The following CEP85L variants were observed in gnomAD, a reference collection of about 807,000 sequenced individuals.
The protein encoded by CEP85L is centrosomal protein of 85 kDa-like.
A neutral mutation model predicts 100.3 loss-of-function variants in CEP85L; 60 were observed. That is an observed-to-expected ratio of 0.60 (90% CI 0.49 to 0.74). The LOEUF (loss-of-function observed/expected upper bound fraction) is 0.74, where lower values mean the gene tolerates loss of function less well. Ranked by LOEUF, CEP85L falls within the 30% of genes least tolerant of loss-of-function variation. The pLI is 0.00. For synonymous variants in CEP85L, 319 were observed against 322.7 expected (o/e 0.99, Z 0.12); for missense variants, 973 against 936.2 (o/e 1.04, Z -0.51).
intron 3 of CEP85L, among the ~76,000 whole-genome samples, chr6:118,555,400 C>T (rs2114950099): frequency 6.8e-6 from 1 of 146,046 alleles, no homozygotes; most frequent in African/African-American, 2.5e-5. Flanking sequence ...TGCACTCCAG[C>T]CTGGGCAACA....
intron 5 of CEP85L, among the ~76,000 whole-genome samples, chr6:118,505,026 T>C (rs1177915913): frequency 6.6e-6 from 1 of 152,096 alleles, no homozygotes; most frequent in African/African-American, 2.4e-5. Flanking sequence ...TGCCCTTCAG[T>C]AGGTGAAGGC....
chr6:118,517,114 G>C (rs746549072), intron 4 of CEP85L, among the ~76,000 whole-genome samples: 2 of 151,892 alleles, frequency 1.3e-5, no homozygotes, highest in African/African-American at 4.8e-5. Flanking sequence ...ATCTGTCTTC[G>C]TACAAGTACC....
rs930710878 is a variant in CEP85L, at chr6:118,646,541, C to T, written c.73+4656G>A. Among the ~76,000 whole-genome samples, 5 of 151,922 alleles carry T rather than the reference C, an allele frequency of 3.3e-5. No homozygotes were observed. The East Asian group carries it at 9.8e-4, about 30-fold the overall frequency. ...AACATTAGCCAGGTATGGTGGTTTA[C>T]GCCTCTAATCCCAGATACTCGGGAG... On this transcript the variant is annotated intron_variant, in intron 1 of 12. Transcript: ENST00000368491.
intron 8 of CEP85L, 35 bp downstream of exon 8, chr6:118,481,743 TA>T (rs1562183073): frequency 2.4e-6 from 3 of 1,234,738 alleles, no homozygotes; most frequent in Non-Finnish European, 3.3e-6. Flanking sequence ...AAAATACGAA[TA>T]AAATAATGTA....
intron 2 of CEP85L, among the ~76,000 whole-genome samples, chr6:118,568,243 A>C (rs1779666471): frequency 6.6e-6 from 1 of 152,234 alleles, no homozygotes; most frequent in Non-Finnish European, 1.5e-5. Flanking sequence ...TTAGTGGTGG[A>C]AGACTGACAG....
rs1301414025 is a variant in CEP85L, at chr6:118,461,061, C to T, written c.*4344G>A. 1 of 149,796 alleles carries T rather than the reference C, an allele frequency of 6.7e-6. No homozygotes were observed. The highest frequency in any genetic ancestry group is 1.5e-5 in the Non-Finnish European group (1 of 67,626). The allele number at this position is 149,796 out of a possible 1,614,324, so 9.3% of individuals were successfully genotyped here. A position where few individuals can be genotyped will look rare whatever the true frequency, so the allele number is the denominator to read the frequency against. On this transcript the variant is annotated 3_prime_UTR_variant, in exon 13 of 13. Transcript: ENST00000368491. ...AACAATAACTGTATTTCAATTAAGT[C>T]ATGAACACTGTATTTACACATGAGG...
chr6:118,689,215 T>A (rs1286409974), intron 1 of CEP85L, among the ~76,000 whole-genome samples: 1 of 152,210 alleles, frequency 6.6e-6, no homozygotes, highest in Non-Finnish European at 1.5e-5. Flanking sequence ...ATGAGTTACA[T>A]CATTAAAAAA....
chr6:118,651,091 C>A, intron 1 of CEP85L, 106 bp downstream of exon 1: 1 of 1,369,282 alleles, frequency 7.3e-7, no homozygotes, highest in Non-Finnish European at 9.4e-7. Flanking sequence ...GGGGAGGCGG[C>A]CGGGGTAAGA....
At chr6:118,644,952 G>T (rs1775087660) in intron 1 of CEP85L, among the ~76,000 whole-genome samples, 1 of 152,146 alleles carries the variant, frequency 6.6e-6, no homozygotes, top group African/African-American at 2.4e-5. Flanking sequence ...CAATACATGG[G>T]AACAGTATCT....
chr6:118,561,349 T>C (rs992406918), intron 3 of CEP85L, among the ~76,000 whole-genome samples: 13 of 152,154 alleles, frequency 8.5e-5, no homozygotes, highest in Non-Finnish European at 1.6e-4. Context: ...TTACAATATT[T>C]TTCTCAGTAA....
chr6:118,619,347 T>C (rs900683246), intron 2 of CEP85L, among the ~76,000 whole-genome samples: 3 of 152,136 alleles, frequency 2.0e-5, no homozygotes, highest in African/African-American at 7.2e-5. Flanking sequence ...ATAACACCAT[T>C]CTACAACTAG....
chr6:118,537,470 G>GC (rs1465161017), intron 3 of CEP85L: 11 of 969,066 alleles, frequency 1.1e-5, no homozygotes, highest in Non-Finnish European at 1.3e-5. Context: ...CCTAATGTAG[G>GC]CATGTAGACC....
At chr6:118,595,305 TG>T (rs1781408807) in intron 2 of CEP85L, among the ~76,000 whole-genome samples, 1 of 152,146 alleles carries the variant, frequency 6.6e-6, no homozygotes, top group South Asian at 2.1e-4. Flanking sequence ...CCTTCCAACC[TG>T]GAATTTGAAA....
intron 1 of CEP85L, among the ~76,000 whole-genome samples, chr6:118,675,044 T>C (rs569331860): frequency 1.3e-5 from 2 of 152,104 alleles, no homozygotes; most frequent in South Asian, 2.1e-4. Context: ...AGCCCAAAAA[T>C]AGAAATAACT....
At chr6:118,692,913 C>G (rs531163109) in intron 1 of CEP85L, among the ~76,000 whole-genome samples, 91 of 152,162 alleles carry the variant, frequency 6.0e-4, no homozygotes, top group African/African-American at 2.2e-3. Context: ...TAGAAGCATG[C>G]CCAGCACATA....
intron 10 of CEP85L, among the ~76,000 whole-genome samples, chr6:118,472,068 G>A (rs1304569655): frequency 6.6e-6 from 1 of 151,516 alleles, no homozygotes; most frequent in Non-Finnish European, 1.5e-5. Context: ...TAAACTCGAG[G>A]GGTGTTTTCA....
At chr6:118,618,916 T>A (rs1773253051) in intron 2 of CEP85L, among the ~76,000 whole-genome samples, 1 of 152,186 alleles carries the variant, frequency 6.6e-6, no homozygotes, top group South Asian at 2.1e-4. Flanking sequence ...TAGGACGCGT[T>A]GGCAAAGGGA....
chr6:118,594,998 C>G (rs1027339871), intron 2 of CEP85L, among the ~76,000 whole-genome samples: 6 of 151,976 alleles, frequency 3.9e-5, no homozygotes, highest in Non-Finnish European at 8.8e-5. Flanking sequence ...ACGAGCCAAG[C>G]CTAAGCAAAA....
In CEP85L at chr6:118,565,778, A is replaced by C; in HGVS notation, c.771T>G (p.Ser257Arg). 1 of 1,614,182 alleles carries C rather than the reference A, an allele frequency of 6.2e-7. No homozygotes were observed. Among genetic ancestry groups the C allele is most frequent in the Middle Eastern group, 1.6e-4 (1 of 6,062 alleles). ...TAATGGGCTTGCTTTCAGGTAAGGC[A>C]CTATATGTCATGTCTACAGGCTGTC... is the stretch of plus-strand genomic sequence containing the variant. ...LRRQPVDMTY[S>R]ALPESKPIMT... The change falls in exon 3 of 13, where the codon AGT becomes AGG. Residue 257 changes from serine to arginine, a missense_variant. By Grantham distance (110) the Ser-to-Arg change is moderately radical. Coordinates refer to ENST00000368491, the MANE Select transcript of CEP85L (RefSeq NM_001042475.3).
Sources: gnomAD v4.1 joint callset for allele counts (sites outside exome capture counted in the v4.1 genomes callset) on GRCh38, gnomAD v4.1.1 for gene constraint, MANE v1.5 for transcripts, NCBI Gene and HGNC (gene_info 2026-07-23, HGNC 2026-07-21) for gene names.